The following SDK1 variants were observed in gnomAD, a reference collection of about 807,000 sequenced individuals.
SDK1 encodes the protein sidekick cell adhesion molecule 1, also known as protein sidekick-1.
Under a neutral mutation model 245.5 loss-of-function variants are expected in SDK1, and 157 were observed. The ratio of observed to expected loss-of-function variants is 0.64; its 90% confidence interval spans 0.56 to 0.73. The LOEUF (loss-of-function observed/expected upper bound fraction) is 0.73, where lower values mean the gene tolerates loss of function less well. SDK1 is among the 30% of genes least tolerant of loss of function. SDK1 has a pLI of 0.00. For synonymous variants in SDK1, 1,647 were observed against 1,278.5 expected (o/e 1.29, Z -6.15); for missense variants, 3,583 against 3,002.3 (o/e 1.19, Z -4.52).
At chr7:3,333,288 C>T (rs1374781489) in intron 1 of SDK1, among the ~76,000 whole-genome samples, 2 of 152,108 alleles carry the variant, frequency 1.3e-5, no homozygotes, top group Non-Finnish European at 2.9e-5. Context: ...GCAATGTTTT[C>T]TAGACATTCT....
chr7:3,551,326 A>G (rs1562557138), intron 1 of SDK1, among the ~76,000 whole-genome samples: 1 of 152,222 alleles, frequency 6.6e-6, no homozygotes, highest in Non-Finnish European at 1.5e-5. Flanking sequence ...GATATTTGAA[A>G]TAAACTGAAT....
chr7:4,040,813 C>T (rs1788574323), intron 17 of SDK1, among the ~76,000 whole-genome samples: 1 of 152,210 alleles, frequency 6.6e-6, no homozygotes, highest in South Asian at 2.1e-4. Context: ...TTTTACTGTA[C>T]ACGTGGTGAC....
chr7:4,236,402 AT>A (rs1379813017), intron 41 of SDK1, among the ~76,000 whole-genome samples: 1 of 151,924 alleles, frequency 6.6e-6, no homozygotes, highest in African/African-American at 2.4e-5. Context: ...CTTTACATGC[AT>A]TTTTTTCTAT....
intron 8 of SDK1, among the ~76,000 whole-genome samples, chr7:3,961,924 C>T (rs973255882): frequency 6.6e-6 from 1 of 152,082 alleles, no homozygotes; most frequent in Non-Finnish European, 1.5e-5. Context: ...CACAGATGTA[C>T]ACACACATAT....
intron 1 of SDK1, among the ~76,000 whole-genome samples, chr7:3,428,002 G>A (rs1304433661): frequency 1.3e-5 from 2 of 152,148 alleles, no homozygotes; most frequent in African/African-American, 4.8e-5. Context: ...CAGTGTTTCA[G>A]TGCTGTACTT....
At chr7:3,442,529 C>G (rs1309575556) in intron 1 of SDK1, among the ~76,000 whole-genome samples, 1 of 152,216 alleles carries the variant, frequency 6.6e-6, no homozygotes, top group Non-Finnish European at 1.5e-5. Flanking sequence ...ATTTTGGAAA[C>G]AAGGTTGTAT....
At chr7:4,253,733 T>C (rs1228993962) in intron 44 of SDK1, among the ~76,000 whole-genome samples, 4 of 152,200 alleles carry the variant, frequency 2.6e-5, no homozygotes, top group Non-Finnish European at 4.4e-5. Flanking sequence ...AAATCTCTAT[T>C]TGTATTGAAT....
intron 17 of SDK1, among the ~76,000 whole-genome samples, chr7:4,037,588 C>A (rs1179833859): frequency 6.6e-6 from 1 of 152,086 alleles, no homozygotes; most frequent in Admixed American, 6.5e-5. Flanking sequence ...ACATTGCATC[C>A]CAGCTTGGGC....
intron 1 of SDK1, among the ~76,000 whole-genome samples, chr7:3,416,766 G>C (rs192805247): frequency 3.3e-4 from 51 of 152,284 alleles, no homozygotes; most frequent in Non-Finnish European, 6.6e-4. Context: ...GGGGTTGTGT[G>C]TGACCATGCC....
At chr7:4,102,365 C>T (rs1384772365) in intron 22 of SDK1, among the ~76,000 whole-genome samples, 6 of 152,246 alleles carry the variant, frequency 3.9e-5, no homozygotes, top group South Asian at 2.1e-4. Context: ...AGTTGCTAGA[C>T]GTGCAAGTTT....
intron 4 of SDK1, among the ~76,000 whole-genome samples, chr7:3,760,729 G>T (rs533727486): frequency 9.9e-5 from 15 of 152,282 alleles, no homozygotes; most frequent in African/African-American, 3.1e-4. Context: ...ACCGGCTCCT[G>T]GCAACCACTG....
At chr7:3,899,749 A>T (rs1277229619) in intron 5 of SDK1, among the ~76,000 whole-genome samples, 1 of 152,198 alleles carries the variant, frequency 6.6e-6, no homozygotes, top group Non-Finnish European at 1.5e-5. Context: ...CTCTCTCCCC[A>T]GATGTCCTTG....
intron 17 of SDK1, among the ~76,000 whole-genome samples, chr7:4,038,043 G>A (rs1188578761): frequency 6.6e-6 from 1 of 152,168 alleles, no homozygotes. Context: ...CCCAGTGCTG[G>A]CACATAGGCT....
At chr7:4,054,809 G>A (rs1310780928) in intron 19 of SDK1, among the ~76,000 whole-genome samples, 1 of 152,070 alleles carries the variant, frequency 6.6e-6, no homozygotes, top group Admixed American at 6.6e-5. Flanking sequence ...TTTTTGACAT[G>A]AATAAATCTT....
chr7:4,251,093 C>G (rs866545424), intron 44 of SDK1, among the ~76,000 whole-genome samples: 2 of 152,164 alleles, frequency 1.3e-5, no homozygotes, highest in Admixed American at 1.3e-4. Context: ...ATCAGGGTCA[C>G]TGATATATGT....
At chr7:4,104,235 T>C (rs999688613) in intron 22 of SDK1, among the ~76,000 whole-genome samples, 1 of 152,170 alleles carries the variant, frequency 6.6e-6, no homozygotes, top group Admixed American at 6.5e-5. Context: ...AGATTTTGTA[T>C]GTTTTATAGA....
intron 38 of SDK1, among the ~76,000 whole-genome samples, chr7:4,218,600 G>C (rs1030063409): frequency 3.3e-5 from 5 of 152,322 alleles, no homozygotes; most frequent in Middle Eastern, 3.4e-3. Flanking sequence ...TTCTGAAGTG[G>C]AGATGACTGG....
intron 1 of SDK1, among the ~76,000 whole-genome samples, chr7:3,492,488 C>T (rs755805041): frequency 3.9e-5 from 6 of 152,128 alleles, no homozygotes; most frequent in Admixed American, 2.0e-4. Flanking sequence ...AGCGAGACTC[C>T]GTCTCAAAAA....
At chr7:3,305,416 G>T (rs1779391221) in intron 1 of SDK1, among the ~76,000 whole-genome samples, 1 of 152,112 alleles carries the variant, frequency 6.6e-6, no homozygotes, top group Non-Finnish European at 1.5e-5. Flanking sequence ...TTTTTCTGTG[G>T]TCTGGGTCAC....
Sources: allele counts gnomAD v4.1 joint callset (sites outside exome capture counted in the v4.1 genomes callset), GRCh38; gene constraint gnomAD v4.1.1; transcripts MANE v1.5; gene names NCBI Gene and HGNC (gene_info 2026-07-23, HGNC 2026-07-21).